The following CCDC91 variants were observed in gnomAD, a reference collection of about 807,000 sequenced individuals.
The protein encoded by CCDC91 is coiled-coil domain containing 91, also known as coiled-coil domain-containing protein 91.
In CCDC91, 48 loss-of-function variants were observed where a neutral mutation model predicts 63.2. The ratio of observed to expected loss-of-function variants is 0.76; its 90% CI spans 0.60 to 0.97. The LOEUF (loss-of-function observed/expected upper bound fraction) is 0.97. CCDC91 is among the 50% of genes least tolerant of loss of function. The probability of loss-of-function intolerance (pLI) is 0.00; values close to 1 mark genes in which losing one functional copy is unlikely to be tolerated. For missense variants in CCDC91, 500 were observed against 494.6 expected (o/e 1.01, Z -0.10); for synonymous variants, 167 against 165.8 (o/e 1.01, Z -0.06).
At chr12:28,500,422 C>T (rs1271733437) in intron 12 of CCDC91, among the ~76,000 whole-genome samples, 1 of 152,058 alleles carries the variant, frequency 6.6e-6, no homozygotes, top group Non-Finnish European at 1.5e-5. Context: ...TTTGTCCATG[C>T]CTATGTCCTG....
intron 3 of CCDC91, among the ~76,000 whole-genome samples, chr12:28,292,610 G>C (rs1160332167): frequency 6.6e-6 from 1 of 151,522 alleles, no homozygotes; most frequent in Non-Finnish European, 1.5e-5. Context: ...GTATATGTTG[G>C]TGTGATGACT....
chr12:28,358,270 T>C (rs1367118360), intron 6 of CCDC91, among the ~76,000 whole-genome samples: 2 of 152,216 alleles, frequency 1.3e-5, no homozygotes, highest in Admixed American at 1.3e-4. Flanking sequence ...AGACATCTAC[T>C]TGAACCTGTC....
intron 1 of CCDC91, among the ~76,000 whole-genome samples, chr12:28,202,781 G>T (rs1200358446): frequency 2.0e-5 from 3 of 152,240 alleles, no homozygotes; most frequent in Non-Finnish European, 2.9e-5. Flanking sequence ...CAAGGAATAT[G>T]TTGGATCTTA....
intron 7 of CCDC91, among the ~76,000 whole-genome samples, chr12:28,385,598 C>G (rs73265407): frequency 0.013 from 2,006 of 152,188 alleles, 35 homozygotes; most frequent in African/African-American, 0.045. Context: ...TTGTGACTTT[C>G]AATATAATTT....
At chr12:28,396,664 G>C (rs1411707310) in intron 8 of CCDC91, among the ~76,000 whole-genome samples, 2 of 151,100 alleles carry the variant, frequency 1.3e-5, no homozygotes, top group Non-Finnish European at 2.9e-5. Context: ...GTGTGTGTGT[G>C]TGTGTGTGTG....
At chr12:28,237,454 G>A (rs1945039440) in intron 1 of CCDC91, among the ~76,000 whole-genome samples, 1 of 152,102 alleles carries the variant, frequency 6.6e-6, no homozygotes, top group African/African-American at 2.4e-5. Flanking sequence ...GTCCTCATAA[G>A]AGATAAACAG....
At chr12:28,354,501 C>A (rs1191201636) in intron 6 of CCDC91, among the ~76,000 whole-genome samples, 1 of 152,032 alleles carries the variant, frequency 6.6e-6, no homozygotes, top group Non-Finnish European at 1.5e-5. Flanking sequence ...CTTGGACAAA[C>A]CTTTTAGGGA....
At chr12:28,494,519 G>T (rs1449613103) in intron 12 of CCDC91, among the ~76,000 whole-genome samples, 1 of 151,654 alleles carries the variant, frequency 6.6e-6, no homozygotes, top group Admixed American at 6.6e-5. Context: ...ATATTTTCAT[G>T]TGCTATATCT....
intron 6 of CCDC91, among the ~76,000 whole-genome samples, chr12:28,345,548 G>A (rs1280092552): frequency 1.3e-5 from 2 of 151,796 alleles, no homozygotes; most frequent in Non-Finnish European, 2.9e-5. Context: ...TAAGCTCTAA[G>A]CACAGGTAAT....
chr12:28,423,995 A>G (rs1207576303), intron 8 of CCDC91, among the ~76,000 whole-genome samples: 1 of 152,140 alleles, frequency 6.6e-6, no homozygotes, highest in African/African-American at 2.4e-5. Context: ...TATTTGGAAG[A>G]TTGTTTTATG....
intron 1 of CCDC91, among the ~76,000 whole-genome samples, chr12:28,220,345 T>G (rs1211994408): frequency 6.6e-6 from 1 of 152,132 alleles, no homozygotes; most frequent in Non-Finnish European, 1.5e-5. Context: ...TCAATATTTT[T>G]CCGTTTTATG....
At chr12:28,206,174 T>C (rs1187881163) in intron 1 of CCDC91, among the ~76,000 whole-genome samples, 1 of 152,220 alleles carries the variant, frequency 6.6e-6, no homozygotes, top group Non-Finnish European at 1.5e-5. Flanking sequence ...TGGTTTGGTC[T>C]GTTGGGGCCT....
chr12:28,316,984 A>G (rs1939958593), intron 6 of CCDC91, among the ~76,000 whole-genome samples: 1 of 151,868 alleles, frequency 6.6e-6, no homozygotes, highest in African/African-American at 2.4e-5. Flanking sequence ...TACTTACCTG[A>G]AATTGTGTAG....
intron 12 of CCDC91, among the ~76,000 whole-genome samples, chr12:28,513,187 T>C (rs781357213): frequency 6.6e-6 from 1 of 151,842 alleles, no homozygotes; most frequent in Non-Finnish European, 1.5e-5. Context: ...TGCAGCTACA[T>C]CATAATAATA....
intron 3 of CCDC91, among the ~76,000 whole-genome samples, chr12:28,283,764 A>G (rs1460736319): frequency 6.6e-6 from 1 of 152,156 alleles, no homozygotes; most frequent in Non-Finnish European, 1.5e-5. Context: ...TATTTTAAAG[A>G]TTTTTTAAAT....
intron 8 of CCDC91, among the ~76,000 whole-genome samples, chr12:28,411,623 G>A (rs185630182): frequency 1.1e-4 from 16 of 152,108 alleles, no homozygotes; most frequent in Admixed American, 1.0e-3. Context: ...ACCCATAATT[G>A]TTTAGTATAG....
intron 8 of CCDC91, among the ~76,000 whole-genome samples, chr12:28,434,594 G>GTTTTTTTTTTTTTT (rs376645678): frequency 6.8e-5 from 5 of 73,452 alleles, no homozygotes; most frequent in African/African-American, 1.8e-4. Context: ...CCTTGGTCTG[G>GTTTTTTTTTTTTTT]TTTTTTTTTT....
At chr12:28,478,990 T>G (rs1229543261) in intron 11 of CCDC91, among the ~76,000 whole-genome samples, 1 of 152,086 alleles carries the variant, frequency 6.6e-6, no homozygotes, top group African/African-American at 2.4e-5. Flanking sequence ...TGTGGAGAAA[T>G]AGGAACACTT....
chr12:28,268,578 C>G, intron 3 of CCDC91: 1 of 663,206 alleles, frequency 1.5e-6, no homozygotes, highest in Non-Finnish European at 1.9e-6. Context: ...ATATCAGTCT[C>G]CCCTTTGGTT....
Sources: gnomAD v4.1 joint callset for allele counts (sites outside exome capture counted in the v4.1 genomes callset) on GRCh38, gnomAD v4.1.1 for gene constraint, MANE v1.5 for transcripts, NCBI Gene and HGNC (gene_info 2026-07-23, HGNC 2026-07-21) for gene names.